The following B4GALT5 variants were observed in gnomAD, a reference collection of about 807,000 sequenced individuals.
B4GALT5 encodes UDP-Gal:beta-GlcNAc beta-1,4-galactosyltransferase 5.
A neutral mutation model predicts 45.0 loss-of-function variants in B4GALT5; 11 were observed. The ratio of observed to expected loss-of-function variants is 0.24; its 90% CI spans 0.15 to 0.40. B4GALT5 has a LOEUF of 0.40. Among genes scored for constraint, B4GALT5 ranks in the 10% least tolerant of loss-of-function variants. The pLI is 1.00. For synonymous variants in B4GALT5, 185 were observed against 182.9 expected (o/e 1.01, Z -0.09); for missense variants, 337 against 500.2 (o/e 0.67, Z 3.11).
intron 1 of B4GALT5, among the ~76,000 whole-genome samples, chr20:49,709,313 G>A (rs535762784): frequency 2.6e-5 from 4 of 152,178 alleles, no homozygotes; most frequent in Non-Finnish European, 4.4e-5. Context: ...ATAAAGGCCA[G>A]AGGGTAGAGG....
intron 2 of B4GALT5, among the ~76,000 whole-genome samples, chr20:49,653,982 G>A (rs1208916672): frequency 6.6e-6 from 1 of 152,192 alleles, no homozygotes; most frequent in Non-Finnish European, 1.5e-5. Context: ...ATGGGGTCCT[G>A]CTGCATGCCC....
intron 1 of B4GALT5, among the ~76,000 whole-genome samples, chr20:49,704,783 G>A (rs544350680): frequency 7.3e-5 from 11 of 151,422 alleles, no homozygotes; most frequent in South Asian, 2.1e-4. Context: ...TACTCTTTCC[G>A]GTACCCAATA....
intron 7 of B4GALT5, among the ~76,000 whole-genome samples, chr20:49,637,654 C>T (rs1392805716): frequency 6.6e-6 from 1 of 151,940 alleles, no homozygotes. Context: ...AAAAAATAGG[C>T]TGGGCTAGGT....
intron 2 of B4GALT5, among the ~76,000 whole-genome samples, chr20:49,649,986 T>C (rs2085614703): frequency 6.6e-6 from 1 of 152,160 alleles, no homozygotes; most frequent in African/African-American, 2.4e-5. Flanking sequence ...TAATAATCAT[T>C]CTGGTCAATG....
At chr20:49,641,251 G>A (rs1362142790) in intron 5 of B4GALT5, among the ~76,000 whole-genome samples, 1 of 152,214 alleles carries the variant, frequency 6.6e-6, no homozygotes, top group Non-Finnish European at 1.5e-5. Context: ...ATTTAGAAGA[G>A]TACCCCGCTC....
At chr20:49,713,003 T>A (rs1451355223) in intron 1 of B4GALT5, among the ~76,000 whole-genome samples, 5 of 136,150 alleles carry the variant, frequency 3.7e-5, no homozygotes, top group African/African-American at 5.7e-5. Context: ...GAGGTGGATG[T>A]AATAGGGGAA....
At chr20:49,709,030 G>A (rs1244144635) in intron 1 of B4GALT5, among the ~76,000 whole-genome samples, 2 of 151,992 alleles carry the variant, frequency 1.3e-5, no homozygotes, top group Non-Finnish European at 2.9e-5. Flanking sequence ...AATTTGCTAA[G>A]GTCAGTAACC....
chr20:49,708,209 C>T (rs936202967), intron 1 of B4GALT5, among the ~76,000 whole-genome samples: 4 of 152,068 alleles, frequency 2.6e-5, no homozygotes, highest in African/African-American at 9.7e-5. Flanking sequence ...CATACCACTG[C>T]ACTCCAGCCT....
At chr20:49,712,473 G>A (rs1295073483) in intron 1 of B4GALT5, among the ~76,000 whole-genome samples, 2 of 151,930 alleles carry the variant, frequency 1.3e-5, no homozygotes, top group South Asian at 2.1e-4. Flanking sequence ...GCGGGGGAGG[G>A]GTGGGAGGGT....
At chr20:49,657,356 A>G (rs1329510150) in intron 1 of B4GALT5, among the ~76,000 whole-genome samples, 1 of 152,220 alleles carries the variant, frequency 6.6e-6, no homozygotes, top group Non-Finnish European at 1.5e-5. Context: ...CATGCTCTTA[A>G]CAAATGAGTG....
chr20:49,701,611 T>G (rs757338277), intron 1 of B4GALT5, among the ~76,000 whole-genome samples: 18 of 152,052 alleles, frequency 1.2e-4, no homozygotes, highest in Non-Finnish European at 2.2e-4. Context: ...AACAGAATAT[T>G]CTGGTGAATA....
At chr20:49,667,700 C>T (rs889018707) in intron 1 of B4GALT5, among the ~76,000 whole-genome samples, 1 of 152,144 alleles carries the variant, frequency 6.6e-6, no homozygotes, top group African/African-American at 2.4e-5. Flanking sequence ...TGTGAGCCAC[C>T]CCGCATGGCC....
At chr20:49,655,276 C>T (rs920207384) in intron 2 of B4GALT5, among the ~76,000 whole-genome samples, 3 of 151,788 alleles carry the variant, frequency 2.0e-5, no homozygotes, top group African/African-American at 7.3e-5. Flanking sequence ...ACTAAAAATA[C>T]AAAAGTTAGC....
At chr20:49,647,469 G>A (rs2123005253) in intron 2 of B4GALT5, among the ~76,000 whole-genome samples, 1 of 152,054 alleles carries the variant, frequency 6.6e-6, no homozygotes, top group East Asian at 1.9e-4. Context: ...TCTACGGCTG[G>A]TCGTGATGTT....
chr20:49,637,973 A>G (rs1234951725), intron 7 of B4GALT5, among the ~76,000 whole-genome samples: 3 of 152,074 alleles, frequency 2.0e-5, no homozygotes, highest in African/African-American at 7.2e-5. Context: ...CTTCCAGGGA[A>G]TAAAATAGAA....
intron 2 of B4GALT5, 62 bp downstream of exon 2, chr20:49,656,506 C>T: frequency 1.3e-6 from 2 of 1,585,722 alleles, no homozygotes; most frequent in South Asian, 1.1e-5. Flanking sequence ...ATTATTGCAA[C>T]CGAATTTACC....
At chr20:49,673,945 A>G (rs1468683180) in intron 1 of B4GALT5, among the ~76,000 whole-genome samples, 1 of 151,970 alleles carries the variant, frequency 6.6e-6, no homozygotes, top group Non-Finnish European at 1.5e-5. Context: ...TTCATAATAA[A>G]AAGTTCTGGG....
intron 1 of B4GALT5, among the ~76,000 whole-genome samples, chr20:49,706,381 T>C (rs957636712): frequency 6.6e-6 from 1 of 152,118 alleles, no homozygotes; most frequent in Non-Finnish European, 1.5e-5. Context: ...TCAACCACAT[T>C]GTATGTGCTT....
At chr20:49,644,077 G>C (rs947825315) in intron 3 of B4GALT5, among the ~76,000 whole-genome samples, 1 of 151,764 alleles carries the variant, frequency 6.6e-6, no homozygotes, top group African/African-American at 2.4e-5. Context: ...ACAGGCATAT[G>C]CCACCACACC....
Sources: gnomAD v4.1 joint callset for allele counts (sites outside exome capture counted in the v4.1 genomes callset) on GRCh38, gnomAD v4.1.1 for gene constraint, MANE v1.5 for transcripts, NCBI Gene and HGNC (gene_info 2026-07-23, HGNC 2026-07-21) for gene names.